IRAK1BP1: variants seen among roughly 807,000 people sequenced by gnomAD.
The protein encoded by IRAK1BP1 is interleukin 1 receptor associated kinase 1 binding protein 1.
A neutral mutation model predicts 28.0 loss-of-function variants in IRAK1BP1; 24 were observed. The ratio of observed to expected loss-of-function variants is 0.86; its 90% confidence interval spans 0.62 to 1.20. The LOEUF is 1.20. IRAK1BP1 is among the 50% of genes most tolerant of loss of function. IRAK1BP1 has a pLI of 0.00. For synonymous variants in IRAK1BP1, 131 were observed against 116.3 expected, an observed-to-expected ratio of 1.13 and a Z score of -0.81; for missense variants, 336 against 316.7, an observed-to-expected ratio of 1.06 and a Z score of -0.46.
the IRAK1BP1 span, chr6:78,954,710 A>C: frequency 1.4e-6 from 1 of 722,400 alleles, no homozygotes; most frequent in Non-Finnish European, 2.2e-6. Context: ...TAAAATAATA[A>C]AGAAATAAAC....
chr6:78,896,474 A>G (rs1771886850), intron 2 of IRAK1BP1, among the ~76,000 whole-genome samples: 1 of 152,192 alleles, frequency 6.6e-6, no homozygotes, highest in African/African-American at 2.4e-5. Context: ...AAGAGCACAT[A>G]CTATATGCTT....
chr6:78,931,795 G>GGGT (rs1347874927), intron 4 of IRAK1BP1, among the ~76,000 whole-genome samples: 1 of 152,174 alleles, frequency 6.6e-6, no homozygotes, highest in Non-Finnish European at 1.5e-5. Flanking sequence ...TGACTGATCA[G>GGGT]GGTGGTGGTT....
intron 4 of IRAK1BP1, among the ~76,000 whole-genome samples, chr6:78,914,894 C>T (rs1772519734): frequency 6.6e-6 from 1 of 152,164 alleles, no homozygotes. Flanking sequence ...GATCTCAGCT[C>T]ACTGCAACCT....
intron 2 of IRAK1BP1, among the ~76,000 whole-genome samples, chr6:78,889,259 A>G (rs1218365644): frequency 6.6e-6 from 1 of 152,024 alleles, no homozygotes; most frequent in Non-Finnish European, 1.5e-5. Flanking sequence ...TGTTTCAAAG[A>G]TAAAAATATT....
chr6:78,974,132 C>G, the IRAK1BP1 span, among the ~76,000 whole-genome samples: 8 of 151,762 alleles, frequency 5.3e-5, no homozygotes, highest in Admixed American at 3.3e-4. Flanking sequence ...GGAAGTAAAG[C>G]TCTCCTCAGC....
intron 1 of IRAK1BP1, among the ~76,000 whole-genome samples, chr6:78,879,086 A>T (rs1304383140): frequency 6.6e-6 from 1 of 152,218 alleles, no homozygotes; most frequent in Non-Finnish European, 1.5e-5. Flanking sequence ...GATATTATCC[A>T]GGAGAACTTC....
chr6:78,883,842 CT>C (rs1771316959), intron 1 of IRAK1BP1, among the ~76,000 whole-genome samples: 1 of 152,092 alleles, frequency 6.6e-6, no homozygotes, highest in Admixed American at 6.6e-5. Context: ...TGAATCATAC[CT>C]TGTTCAGTGT....
At chr6:78,896,967 T>C (rs950163076) in intron 2 of IRAK1BP1, among the ~76,000 whole-genome samples, 2 of 152,094 alleles carry the variant, frequency 1.3e-5, no homozygotes, top group African/African-American at 2.4e-5. Context: ...AAGGGTTCTT[T>C]AGAAGAAAAG....
intron 1 of IRAK1BP1, 26 bp from the exon 2 acceptor site, chr6:78,885,352 A>C (rs769321109): frequency 1.5e-6 from 2 of 1,355,140 alleles, no homozygotes; most frequent in Non-Finnish European, 2.1e-6. Flanking sequence ...TTTAGTAATC[A>C]TACTCTTGGA....
intron 1 of IRAK1BP1, 64 bp downstream of exon 1, chr6:78,867,955 GC>G: frequency 6.9e-7 from 1 of 1,446,754 alleles, no homozygotes; most frequent in East Asian, 2.5e-5. Flanking sequence ...AGATGGTCGG[GC>G]CCCACAGGCC....
At chr6:78,919,540 G>A (rs1372009814) in intron 4 of IRAK1BP1, among the ~76,000 whole-genome samples, 1 of 152,102 alleles carries the variant, frequency 6.6e-6, no homozygotes, top group Non-Finnish European at 1.5e-5. Context: ...AAACACAAAA[G>A]ATTATCAGAG....
chr6:78,887,946 A>G (rs1771489365), intron 2 of IRAK1BP1, among the ~76,000 whole-genome samples: 2 of 152,224 alleles, frequency 1.3e-5, no homozygotes, highest in Non-Finnish European at 2.9e-5. Context: ...AAGATATGGA[A>G]GCAACCCAAA....
the IRAK1BP1 span, chr6:78,956,873 CT>C: frequency 6.6e-6 from 1 of 152,024 alleles, no homozygotes; most frequent in African/African-American, 2.4e-5. Flanking sequence ...TTATATTATA[CT>C]TTCTTACAGA....
chr6:78,884,119 T>C (rs574348095), intron 1 of IRAK1BP1, among the ~76,000 whole-genome samples: 14 of 152,266 alleles, frequency 9.2e-5, no homozygotes, highest in Admixed American at 7.9e-4. Flanking sequence ...TGTGTTAATA[T>C]TTTCATGGGA....
chr6:78,873,112 C>T (rs1242014847), intron 1 of IRAK1BP1, among the ~76,000 whole-genome samples: 3 of 151,506 alleles, frequency 2.0e-5, no homozygotes, highest in Non-Finnish European at 4.4e-5. Flanking sequence ...AAAAATTAGC[C>T]AGGCATGGTG....
intron 2 of IRAK1BP1, among the ~76,000 whole-genome samples, chr6:78,895,883 A>G (rs185992660): frequency 2.0e-5 from 3 of 152,342 alleles, no homozygotes; most frequent in Admixed American, 1.3e-4. Context: ...AAAAAGAATA[A>G]AAGACATCCA....
chr6:78,964,622 A>G, the IRAK1BP1 span, among the ~76,000 whole-genome samples: 6 of 152,046 alleles, frequency 3.9e-5, no homozygotes, highest in Non-Finnish European at 8.8e-5. Context: ...CCTTCTGAGT[A>G]GCTGGGACTA....
Position 78,897,797 on chromosome 6 carries a change from A to T in IRAK1BP1, c.382-32A>T, listed in dbSNP as rs1470556018. 2.6e-5 allele frequency: 42 copies of T among 1,596,254 alleles called. No individual in the cohort carries two copies. In the Admixed American group the frequency reaches 7.1e-4, roughly 27 times the overall value. Reference sequence around the variant, plus strand: ...AAAATCTTGAAACAGTACATCAGACATGAAAATAATATCGTGTCATTTCAT... The same window carrying T: ...AAAATCTTGAAACAGTACATCAGACTTGAAAATAATATCGTGTCATTTCAT... On this transcript the variant is annotated intron_variant, in intron 2 of 3. Coordinates refer to ENST00000369940, the MANE Select transcript of IRAK1BP1 (RefSeq NM_001010844.4).
In IRAK1BP1 at chr6:78,899,865, AT is replaced by A. The variant is rs775712792; in HGVS notation, c.*1533del. On this transcript the variant is annotated 3_prime_UTR_variant, in exon 4 of 4. Transcript: ENST00000369940. ...TCAGCATGTAATCAGTATTTTTTAA[AT>A]TGAGATATTTGTTTTATCTTCAAAA... 2.6e-5 allele frequency: 4 copies of A among 152,256 alleles called. No homozygotes were observed. Among genetic ancestry groups the A allele is most frequent in the Non-Finnish European group, 5.9e-5 (4 of 68,038 alleles). The allele number at this position is 152,256 out of a possible 1,614,324, so 9.4% of individuals were successfully genotyped here. A position where few individuals can be genotyped will look rare whatever the true frequency, so the allele number is the denominator to read the frequency against.
Sources: gnomAD v4.1 joint callset for allele counts (sites outside exome capture counted in the v4.1 genomes callset) on GRCh38, gnomAD v4.1.1 for gene constraint, MANE v1.5 for transcripts, NCBI Gene and HGNC (gene_info 2026-07-23, HGNC 2026-07-21) for gene names.